Variants in AK4 observed in about 807,000 individuals in gnomAD.
AK4 encodes the protein adenylate kinase 4, mitochondrial.
AK4 carries 13 observed loss-of-function variants against 24.6 expected under a neutral mutation model. That is an observed-to-expected ratio of 0.53 (90% CI 0.34 to 0.84). AK4 has a LOEUF of 0.84. Among genes scored for constraint, AK4 ranks in the 40% least tolerant of loss-of-function variants. The pLI, the probability that AK4 is intolerant of heterozygous loss-of-function variation, is 0.01. For missense variants in AK4, 192 were observed against 288.2 expected (o/e 0.67, Z 2.42); for synonymous variants, 88 against 107.0 (o/e 0.82, Z 1.10).
At chr1:65,212,814 G>A (rs1450701670) in intron 2 of AK4, among the ~76,000 whole-genome samples, 1 of 152,220 alleles carries the variant, frequency 6.6e-6, no homozygotes, top group Non-Finnish European at 1.5e-5. Flanking sequence ...TATGCATTGT[G>A]CTGTTGGCTT....
chr1:65,158,482 G>T (rs1308681031), intron 1 of AK4, among the ~76,000 whole-genome samples: 2 of 152,138 alleles, frequency 1.3e-5, no homozygotes. Flanking sequence ...TTTCAACCAT[G>T]TATTTTCCTT....
At chr1:65,180,124 G>A (rs751156563) in intron 1 of AK4, among the ~76,000 whole-genome samples, 2 of 152,126 alleles carry the variant, frequency 1.3e-5, no homozygotes, top group Non-Finnish European at 2.9e-5. Flanking sequence ...GCTCTAAAGC[G>A]TATGTACTTG....
chr1:65,155,051 A>C (rs1431613331), intron 1 of AK4, among the ~76,000 whole-genome samples: 1 of 151,552 alleles, frequency 6.6e-6, no homozygotes, highest in African/African-American at 2.4e-5. Context: ...GGGTTTCACC[A>C]TGTTGGCCAG....
chr1:65,179,778 T>A (rs1268669659), intron 1 of AK4, among the ~76,000 whole-genome samples: 1 of 152,052 alleles, frequency 6.6e-6, no homozygotes, highest in Non-Finnish European at 1.5e-5. Flanking sequence ...AAGTGTGCAG[T>A]GAGCTGTGAT....
chr1:65,166,948 A>G (rs968625726), intron 1 of AK4, among the ~76,000 whole-genome samples: 1 of 152,362 alleles, frequency 6.6e-6, no homozygotes, highest in East Asian at 1.9e-4. Flanking sequence ...CCTGGCCAAC[A>G]TGGTGAAACC....
At chr1:65,158,148 T>G (rs1285338988) in intron 1 of AK4, among the ~76,000 whole-genome samples, 1 of 152,132 alleles carries the variant, frequency 6.6e-6, no homozygotes, top group Non-Finnish European at 1.5e-5. Flanking sequence ...GTGCTTGCCT[T>G]TAAGATATAC....
intron 1 of AK4, among the ~76,000 whole-genome samples, chr1:65,152,607 G>A (rs1418346215): frequency 6.6e-6 from 1 of 151,084 alleles, no homozygotes; most frequent in African/African-American, 2.4e-5. Flanking sequence ...TCACCATTTG[G>A]CCAGGCTGGT....
At chr1:65,148,137 G>A, upstream of AK4, 1 of 605,412 alleles carries the variant, frequency 1.7e-6, no homozygotes, top group Non-Finnish European at 2.5e-6. Flanking sequence ...GCAGCTTTGC[G>A]TGGGGGCGAG....
At position 65,226,051 on chromosome 1, in the gene AK4, T is replaced by C; in HGVS notation, c.558-12T>C. ...CCTAAAAAGCCATTGTATGTTGGGC[T>C]TTGTTTTTCAGGAGCCGAGGAGTGC... is the stretch of plus-strand genomic sequence containing the variant. On this transcript the variant is annotated splice_polypyrimidine_tract_variant and intron_variant, in intron 4 of 4. Transcript: ENST00000327299. The C allele has an allele frequency of 6.2e-7, 1 of 1,612,010 alleles. No individual in the cohort carries two copies. Among genetic ancestry groups the C allele is most frequent in the Non-Finnish European group, 8.5e-7 (1 of 1,179,748 alleles).
At chr1:65,185,989 G>A (rs1021636433) in intron 1 of AK4, among the ~76,000 whole-genome samples, 7 of 152,002 alleles carry the variant, frequency 4.6e-5, no homozygotes, top group Non-Finnish European at 1.5e-5. Context: ...TATCTGGTGA[G>A]GTTGGGCCAT....
chr1:65,229,714 A>G lies in AK4; in HGVS notation c.*3537A>G, dbSNP rs1478954904. 6.6e-6 allele frequency: 1 copy of G among 152,222 alleles called. No homozygotes were observed. Among genetic ancestry groups the G allele is most frequent in the Non-Finnish European group, 1.5e-5 (1 of 68,034 alleles). 9.4% of individuals were successfully genotyped at this position (152,222 alleles called of 1,614,324 possible). A position where few individuals can be genotyped will look rare whatever the true frequency, so the allele number is the denominator to read the frequency against. On this transcript the variant is annotated 3_prime_UTR_variant, in exon 5 of 5. Transcript: ENST00000327299. ...GCTGGGCTTGGGCCCAGGCTAATCT[A>G]TGAAGGAAGCAAGCTCGTGTTCCTT...
At chr1:65,200,685 G>A (rs1031114164) in intron 2 of AK4, among the ~76,000 whole-genome samples, 4 of 152,140 alleles carry the variant, frequency 2.6e-5, no homozygotes, top group South Asian at 2.1e-4. Flanking sequence ...CATAATTTTC[G>A]ATAAGTATTT....
At chr1:65,225,764 T>C (rs929690932) in intron 4 of AK4, among the ~76,000 whole-genome samples, 1 of 152,184 alleles carries the variant, frequency 6.6e-6, no homozygotes, top group Non-Finnish European at 1.5e-5. Flanking sequence ...TGGTTCGCTT[T>C]TGAAAATTAT....
intron 1 of AK4, among the ~76,000 whole-genome samples, chr1:65,160,450 A>T (rs942348195): frequency 1.5e-4 from 23 of 152,064 alleles, no homozygotes; most frequent in Non-Finnish European, 2.1e-4. Flanking sequence ...AATTTTAAAA[A>T]TTTTCCACTA....
At chr1:65,219,016 T>TG in intron 3 of AK4, 90 bp downstream of exon 3, 1 of 979,732 alleles carries the variant, frequency 1.0e-6, no homozygotes, top group Non-Finnish European at 1.4e-6. Flanking sequence ...GAGTAGACCA[T>TG]TCAAAAAAGA....
Position 65,148,496 on chromosome 1 carries a change from G to A in AK4, c.89G>A (p.Gly30Asp). The A allele has an allele frequency of 6.3e-7, 1 of 1,588,336 alleles. No individual in the cohort carries two copies. The highest frequency in any genetic ancestry group is 8.6e-7 in the Non-Finnish European group (1 of 1,167,886). The change falls in exon 1 of 5, where the codon GGT becomes GAT. Residue 30 changes from glycine to aspartate, a missense_variant. Gly to Asp is a moderately conservative substitution (Grantham distance 94). Coordinates refer to ENST00000327299, the MANE Select transcript of AK4 (RefSeq NM_013410.4). ...TVCQRIAQNFGLQHLSSGHFL... is the reference protein window; with the variant it reads ...TVCQRIAQNFDLQHLSSGHFL... ...TGCCAGAGGATCGCCCAGAACTTTG[G>A]TCTCCAGCATCTCTCCAGCGGCCAC... is the stretch of plus-strand genomic sequence containing the variant.
At position 65,228,777 on chromosome 1, in the gene AK4, G is replaced by A. The variant is rs1652547366; in HGVS notation, c.*2600G>A. ...GTTCCTTCACCTTTAAGCAAAGAGA[G>A]TGGTTCAGATGGTTTCTAAGATGCC... is the stretch of plus-strand genomic sequence containing the variant. On this transcript the variant is annotated 3_prime_UTR_variant, in exon 5 of 5. Coordinates refer to ENST00000327299, the MANE Select transcript of AK4 (RefSeq NM_013410.4). 6.6e-6 allele frequency: 1 copy of A among 151,368 alleles called. No individual in the cohort carries two copies. Among genetic ancestry groups the A allele is most frequent in the African/African-American group, 2.4e-5 (1 of 41,188 alleles). The allele number at this position is 151,368 out of a possible 1,614,324, so 9.4% of individuals were successfully genotyped here.
At chr1:65,183,145 T>C (rs1046144461) in intron 1 of AK4, among the ~76,000 whole-genome samples, 2 of 152,224 alleles carry the variant, frequency 1.3e-5, no homozygotes, top group African/African-American at 4.8e-5. Flanking sequence ...AACCATACCC[T>C]ATATTGTCAG....
chr1:65,154,303 C>G (rs547556685), intron 1 of AK4, among the ~76,000 whole-genome samples: 1 of 152,282 alleles, frequency 6.6e-6, no homozygotes, highest in East Asian at 1.9e-4. Context: ...TAGGGTTTTG[C>G]CCTGAGCGCC....
Sources: allele counts gnomAD v4.1 joint callset (sites outside exome capture counted in the v4.1 genomes callset), GRCh38; gene constraint gnomAD v4.1.1; transcripts MANE v1.5; gene names NCBI Gene and HGNC (gene_info 2026-07-23, HGNC 2026-07-21).